CNTN3: variants seen among roughly 807,000 people sequenced by gnomAD.
The protein encoded by CNTN3 is contactin-3.
A neutral mutation model predicts 119.1 loss-of-function variants in CNTN3; 60 were observed. The ratio of observed to expected loss-of-function variants is 0.50; its 90% confidence interval spans 0.41 to 0.62. The LOEUF is 0.62. CNTN3 is among the 20% of genes least tolerant of loss of function. The probability of loss-of-function intolerance (pLI) is 0.00; values close to 1 mark genes in which losing one functional copy is unlikely to be tolerated. For missense variants in CNTN3, 1,101 were observed against 1,242.4 expected, an observed-to-expected ratio of 0.89 and a Z score of 1.71; for synonymous variants, 450 against 438.7, an observed-to-expected ratio of 1.03 and a Z score of -0.32.
chr3:74,359,200 G>A (rs1559562468), intron 11 of CNTN3, among the ~76,000 whole-genome samples: 1 of 152,054 alleles, frequency 6.6e-6, no homozygotes, highest in Non-Finnish European at 1.5e-5. Flanking sequence ...AGCCTTCACA[G>A]TGACCAACCA....
intron 19 of CNTN3, among the ~76,000 whole-genome samples, chr3:74,285,823 A>ATATC (rs1224111537): frequency 7.5e-6 from 1 of 133,090 alleles, no homozygotes; most frequent in East Asian, 2.3e-4. Flanking sequence ...ATATATATAT[A>ATATC]TATATATATA....
chr3:74,351,902 C>A (rs1222917537), intron 11 of CNTN3, among the ~76,000 whole-genome samples: 1 of 152,112 alleles, frequency 6.6e-6, no homozygotes, highest in Non-Finnish European at 1.5e-5. Flanking sequence ...GGACCTCATT[C>A]CTTTTCTTTT....
intron 11 of CNTN3, among the ~76,000 whole-genome samples, chr3:74,346,914 AT>A (rs1201433915): frequency 1.3e-5 from 2 of 152,150 alleles, no homozygotes; most frequent in Non-Finnish European, 2.9e-5. Context: ...ACAAAAATCA[AT>A]TTTTTAGATT....
At chr3:74,486,399 A>C in intron 4 of CNTN3, 57 bp downstream of exon 4, 2 of 1,473,610 alleles carry the variant, frequency 1.4e-6, no homozygotes, top group South Asian at 2.5e-5. Flanking sequence ...CGACTACACA[A>C]ATTAAGTTAC....
intron 4 of CNTN3, among the ~76,000 whole-genome samples, chr3:74,443,350 A>G (rs371282956): frequency 5.9e-5 from 9 of 152,102 alleles, no homozygotes; most frequent in Admixed American, 5.9e-4. Flanking sequence ...AAGTCCAAAC[A>G]TGCTGCTTAT....
chr3:74,592,142 AAGGAATG>A (rs1704713908), intron 1 of CNTN3, among the ~76,000 whole-genome samples: 2 of 151,960 alleles, frequency 1.3e-5, no homozygotes. Flanking sequence ...GAGATCTTAG[AAGGAATG>A]AGGACCAGGA....
chr3:74,408,710 T>A (rs993362412), intron 5 of CNTN3, among the ~76,000 whole-genome samples: 1 of 152,122 alleles, frequency 6.6e-6, no homozygotes, highest in Non-Finnish European at 1.5e-5. Flanking sequence ...GAATCTTCTA[T>A]GCAGCTTTGT....
chr3:74,405,294 A>G (rs949165572), intron 5 of CNTN3, among the ~76,000 whole-genome samples: 67 of 152,108 alleles, frequency 4.4e-4, no homozygotes, highest in Admixed American at 3.4e-3. Flanking sequence ...ATGCCCCCTT[A>G]ATCATAAAAC....
intron 5 of CNTN3, among the ~76,000 whole-genome samples, chr3:74,424,622 C>T (rs2106897274): frequency 6.6e-6 from 1 of 152,270 alleles, no homozygotes; most frequent in Non-Finnish European, 1.5e-5. Flanking sequence ...TGTGATCTCT[C>T]TTGTCTTTAT....
At chr3:74,317,221 C>T (rs1466140429) in intron 13 of CNTN3, among the ~76,000 whole-genome samples, 1 of 149,800 alleles carries the variant, frequency 6.7e-6, no homozygotes, top group Non-Finnish European at 1.5e-5. Flanking sequence ...TATTTTGAGC[C>T]TATGTGTGTC....
intron 1 of CNTN3, among the ~76,000 whole-genome samples, chr3:74,547,952 T>C (rs1015863260): frequency 6.6e-6 from 1 of 152,170 alleles, no homozygotes; most frequent in Admixed American, 6.5e-5. Context: ...TTAATCCATA[T>C]AGTACATTTT....
chr3:74,450,673 C>T lies in CNTN3; in HGVS notation c.359-25733G>A, dbSNP rs1575737368. 5.4e-5 allele frequency among the ~76,000 whole-genome samples: 7 copies of T among 129,358 alleles called. No homozygotes were observed. In the South Asian group the frequency reaches 2.1e-3, roughly 39 times the overall value. The allele number at this position is 129,358 out of a possible 152,430, so 84.9% of individuals were successfully genotyped here. On this transcript the variant is annotated intron_variant, in intron 4 of 22. Transcript: ENST00000263665. ...GCTATCCCTCCCCCCTCCCCCCACC[C>T]CACAACACTCCCCAGAGTGTGATGT...
At chr3:74,502,223 T>A (rs549266719) in intron 2 of CNTN3, among the ~76,000 whole-genome samples, 1 of 151,946 alleles carries the variant, frequency 6.6e-6, no homozygotes, top group Non-Finnish European at 1.5e-5. Context: ...AACAGGAAAG[T>A]TGGGGAGATA....
In CNTN3 at chr3:74,594,758, C is replaced by T. The variant is rs376668838; in HGVS notation, c.-81+19633G>A. Among the ~76,000 whole-genome samples, 121 of 152,018 alleles carry T rather than the reference C, an allele frequency of 8.0e-4. 1 individual carries two copies. In the East Asian group the frequency reaches 0.02, roughly 25 times the overall value. ...TGTGAATAGTGCCGCAATAAACATA[C>T]GTGTGCATGTGTCTTTATAGCAGCA... On this transcript the variant is annotated intron_variant, in intron 1 of 22. Transcript: ENST00000263665.
chr3:74,370,675 C>G (rs1704313001), intron 6 of CNTN3, among the ~76,000 whole-genome samples: 1 of 152,136 alleles, frequency 6.6e-6, no homozygotes, highest in Non-Finnish European at 1.5e-5. Context: ...AATGGGTCAA[C>G]TACCCAGGCT....
At chr3:74,495,234 C>T (rs1035470555) in intron 3 of CNTN3, among the ~76,000 whole-genome samples, 2 of 151,622 alleles carry the variant, frequency 1.3e-5, no homozygotes, top group Non-Finnish European at 2.9e-5. Flanking sequence ...TCTTTAAGTG[C>T]CAAAATAATT....
chr3:74,266,670 C>T (rs771583311), intron 21 of CNTN3, 21 bp from the exon 22 acceptor site: 21 of 1,605,180 alleles, frequency 1.3e-5, no homozygotes, highest in Non-Finnish European at 1.5e-5. Context: ...TGAACAAATA[C>T]ACTTACTTGT....
intron 5 of CNTN3, among the ~76,000 whole-genome samples, chr3:74,420,406 A>G (rs898911018): frequency 1.3e-5 from 2 of 152,190 alleles, no homozygotes; most frequent in East Asian, 1.9e-4. Context: ...TTCCACATCT[A>G]TCTTCCCAAT....
chr3:74,344,882 C>T (rs1430721057), intron 11 of CNTN3, among the ~76,000 whole-genome samples: 1 of 152,046 alleles, frequency 6.6e-6, no homozygotes, highest in Admixed American at 6.6e-5. Context: ...CACACACACA[C>T]ACACACACAC....
Sources: allele counts gnomAD v4.1 joint callset (sites outside exome capture counted in the v4.1 genomes callset), GRCh38; gene constraint gnomAD v4.1.1; transcripts MANE v1.5; gene names NCBI Gene and HGNC (gene_info 2026-07-23, HGNC 2026-07-21).